Variants in PSTPIP2 observed in about 807,000 individuals in gnomAD.
PSTPIP2 encodes the protein proline-serine-threonine phosphatase-interacting protein 2.
In PSTPIP2, 33 loss-of-function variants were observed where a neutral mutation model predicts 63.3. The observed-to-expected ratio is 0.52, with a 90% CI of 0.40 to 0.70. The LOEUF is 0.70. Ranked by LOEUF, PSTPIP2 falls within the 30% of genes least tolerant of loss-of-function variation. The probability of loss-of-function intolerance (pLI) is 0.00; values close to 1 mark genes in which losing one functional copy is unlikely to be tolerated. For synonymous variants in PSTPIP2, 125 were observed against 132.7 expected, an observed-to-expected ratio of 0.94 and a Z score of 0.40; for missense variants, 312 against 400.7, an observed-to-expected ratio of 0.78 and a Z score of 1.89.
At chr18:46,064,482 TAAAGACGGGG>T in intron 1 of PSTPIP2, among the ~76,000 whole-genome samples, 1 of 97,162 alleles carries the variant, frequency 1.0e-5, no homozygotes, top group African/African-American at 4.1e-5. Flanking sequence ...TTTTTTTAAG[TAAAGACGGGG>T]TTTCACCATG....
intron 1 of PSTPIP2, among the ~76,000 whole-genome samples, chr18:46,056,313 T>C (rs1908752940): frequency 6.6e-6 from 1 of 152,228 alleles, no homozygotes; most frequent in Admixed American, 6.5e-5. Flanking sequence ...TGTTGTGCCC[T>C]GTGCTTCCTT....
rs751774185 is a variant in PSTPIP2 at position 45,997,781 on chromosome 18, C to T, written c.610G>A (p.Glu204Lys). Residue 204 changes from glutamate to lysine, a missense_variant, in exon 9 of 15, where the codon GAG becomes AAG. Transcript: ENST00000409746. Reference sequence around the variant, plus strand: ...GCCTTGATGTGCTCACTCTGCCACTCTTCTCGGACCTTATCCAGGGTGCCG... The same window carrying T: ...GCCTTGATGTGCTCACTCTGCCACTTTTCTCGGACCTTATCCAGGGTGCCG... ...HIGTLDKVREEWQSEHIKACE... is the reference protein window; with the variant it reads ...HIGTLDKVREKWQSEHIKACE... 8 of 1,585,180 alleles carry T rather than the reference C, an allele frequency of 5.0e-6. No homozygotes were observed. The highest frequency in any genetic ancestry group is 6.9e-6 in the Non-Finnish European group (8 of 1,165,520).
intron 1 of PSTPIP2, among the ~76,000 whole-genome samples, chr18:46,056,551 ACT>A (rs1908762087): frequency 6.6e-6 from 1 of 151,884 alleles, no homozygotes; most frequent in South Asian, 2.1e-4. Context: ...ACACAGCAAG[ACT>A]CTGTCTCTAC....
chr18:46,052,121 A>T (rs1329737896), intron 1 of PSTPIP2, among the ~76,000 whole-genome samples: 13 of 152,266 alleles, frequency 8.5e-5, no homozygotes, highest in Admixed American at 8.5e-4. Flanking sequence ...AAACCTCAGC[A>T]GCTCTAGAAA....
chr18:46,035,747 A>AC (rs367605721), intron 2 of PSTPIP2, among the ~76,000 whole-genome samples: 29 of 152,312 alleles, frequency 1.9e-4, no homozygotes, highest in African/African-American at 7.0e-4. Context: ...AGTCATAAAC[A>AC]CAGGGGTTGT....
chr18:46,013,151 A>G (rs2051818341), intron 4 of PSTPIP2, among the ~76,000 whole-genome samples: 1 of 152,018 alleles, frequency 6.6e-6, no homozygotes, highest in African/African-American at 2.4e-5. Context: ...AGCCAAAAAA[A>G]TGATTTAGGG....
At chr18:46,021,201 C>T (rs1009612423) in intron 3 of PSTPIP2, among the ~76,000 whole-genome samples, 1 of 151,970 alleles carries the variant, frequency 6.6e-6, no homozygotes, top group Non-Finnish European at 1.5e-5. Flanking sequence ...CTAAGTCAAA[C>T]AGGAAAAAGA....
intron 9 of PSTPIP2, chr18:45,994,006 A>C (rs189892348): frequency 2.8e-6 from 1 of 356,906 alleles, no homozygotes; most frequent in Non-Finnish European, 5.4e-6. Context: ...ATCTAACATC[A>C]TCTCCACCTG....
chr18:45,999,337 G>T (rs1599702099), intron 7 of PSTPIP2, 99 bp downstream of exon 7: 1 of 1,127,518 alleles, frequency 8.9e-7, no homozygotes, highest in Non-Finnish European at 1.3e-6. Flanking sequence ...ATTTCCAGGG[G>T]TTTAGGATAC....
intron 1 of PSTPIP2, among the ~76,000 whole-genome samples, chr18:46,049,018 GT>G (rs1908485190): frequency 8.8e-6 from 1 of 113,412 alleles, no homozygotes; most frequent in East Asian, 2.5e-4. Flanking sequence ...ATGTGTGTGT[GT>G]GTGTGTGTGT....
chr18:45,991,301 T>C (rs1372022707), intron 12 of PSTPIP2, among the ~76,000 whole-genome samples: 1 of 152,194 alleles, frequency 6.6e-6, no homozygotes, highest in Non-Finnish European at 1.5e-5. Flanking sequence ...ATCCTTTACA[T>C]GAACGGCAGC....
chr18:46,051,902 T>C (rs1908594946), intron 1 of PSTPIP2, among the ~76,000 whole-genome samples: 1 of 152,256 alleles, frequency 6.6e-6, no homozygotes, highest in South Asian at 2.1e-4. Context: ...GAATTAGTGA[T>C]GCATCATATT....
At chr18:46,053,448 G>A (rs1377390742) in intron 1 of PSTPIP2, among the ~76,000 whole-genome samples, 3 of 152,094 alleles carry the variant, frequency 2.0e-5, no homozygotes, top group East Asian at 1.9e-4. Flanking sequence ...CATGTTCATC[G>A]AAGTCCAATG....
At chr18:46,028,867 A>T in intron 2 of PSTPIP2, 1 of 1,586,698 alleles carries the variant, frequency 6.3e-7, no homozygotes, top group Non-Finnish European at 8.6e-7. Context: ...GTTGCAAAGG[A>T]CTGGGAATTT....
At chr18:46,024,911 A>G (rs1483646519) in intron 2 of PSTPIP2, among the ~76,000 whole-genome samples, 2 of 152,204 alleles carry the variant, frequency 1.3e-5, no homozygotes, top group Middle Eastern at 3.2e-3. Flanking sequence ...AGTCCCTAAC[A>G]TGGACATTAT....
intron 2 of PSTPIP2, among the ~76,000 whole-genome samples, chr18:46,038,105 G>A (rs1439512716): frequency 6.6e-6 from 1 of 152,128 alleles, no homozygotes; most frequent in Non-Finnish European, 1.5e-5. Flanking sequence ...CTGTCACCCA[G>A]GCTAGAGGGC....
At chr18:46,068,508 C>T (rs947772590) in intron 1 of PSTPIP2, among the ~76,000 whole-genome samples, 13 of 152,024 alleles carry the variant, frequency 8.6e-5, no homozygotes, top group Admixed American at 3.3e-4. Context: ...CTGTGTTAGC[C>T]GAGATGGTCT....
intron 1 of PSTPIP2, among the ~76,000 whole-genome samples, chr18:46,051,484 A>T (rs1405184552): frequency 6.6e-6 from 1 of 152,188 alleles, no homozygotes; most frequent in East Asian, 1.9e-4. Flanking sequence ...AAGAAAAAAA[A>T]AAATTGAACA....
Position 46,039,934 on chromosome 18 carries a change from A to G in PSTPIP2, c.134+13T>C, listed in dbSNP as rs1304517400. On this transcript the variant is annotated intron_variant, in intron 2 of 14. Transcript: ENST00000409746. ...GGCCCACCCTCTTCAGAGAGGACAG[A>G]GCATCATCGTACCTTTCTTTTAGAA... The G allele has an allele frequency of 6.9e-6, 11 of 1,595,548 alleles. No individual in the cohort carries two copies. The highest frequency in any genetic ancestry group is 9.5e-6 in the Non-Finnish European group (11 of 1,163,328).
Sources: gnomAD v4.1 joint callset for allele counts (sites outside exome capture counted in the v4.1 genomes callset) on GRCh38, gnomAD v4.1.1 for gene constraint, MANE v1.5 for transcripts, NCBI Gene and HGNC (gene_info 2026-07-23, HGNC 2026-07-21) for gene names.